NOSTRIN: variants seen among roughly 807,000 people sequenced by gnomAD.
NOSTRIN encodes nitric oxide synthase trafficking, also known as BM247 homolog.
In NOSTRIN, 63 loss-of-function variants were observed where a neutral mutation model predicts 59.0. The ratio of observed to expected loss-of-function variants is 1.07; its 90% confidence interval spans 0.87 to 1.32. The LOEUF is 1.32. Ranked by LOEUF, NOSTRIN falls within the 40% of genes most tolerant of loss-of-function variation. The probability of loss-of-function intolerance (pLI) is 0.00; values close to 1 mark genes in which losing one functional copy is unlikely to be tolerated. For missense variants in NOSTRIN, 512 were observed against 473.1 expected, an observed-to-expected ratio of 1.08 and a Z score of -0.76; for synonymous variants, 200 against 165.4, an observed-to-expected ratio of 1.21 and a Z score of -1.61.
chr2:168,811,803 A>G (rs1427187651), intron 2 of NOSTRIN, 151 bp downstream of exon 2: 4 of 473,706 alleles, frequency 8.4e-6, no homozygotes, highest in South Asian at 6.9e-5. Context: ...ATTCTCCCCT[A>G]TTGCACATTT....
rs575404005 is a variant in NOSTRIN at position 168,809,556 on chromosome 2, G to A, written c.28-2011G>A. ...GCTTAGGGAGAAATCTAGTGGAAAT[G>A]TTTAGGTAACATAGGAGTAAACAAA... On this transcript the variant is annotated intron_variant, in intron 1 of 15. Transcript: ENST00000317647. Among the ~76,000 whole-genome samples, 14 of 152,176 alleles carry A rather than the reference G, an allele frequency of 9.2e-5. No homozygotes were observed. In the South Asian group the frequency reaches 1.7e-3, roughly 18 times the overall value.
At chr2:168,827,550 TC>T (rs747689924) in intron 3 of NOSTRIN, among the ~76,000 whole-genome samples, 2 of 152,124 alleles carry the variant, frequency 1.3e-5, no homozygotes, top group African/African-American at 2.4e-5. Flanking sequence ...TATTTTATTT[TC>T]ATTACTTATT....
intron 5 of NOSTRIN, among the ~76,000 whole-genome samples, chr2:168,831,140 G>A (rs1476270210): frequency 1.3e-5 from 2 of 152,136 alleles, no homozygotes; most frequent in Non-Finnish European, 2.9e-5. Context: ...TACAGTTCTG[G>A]AGGCTGGGAA....
chr2:168,822,652 T>C (rs1325862236), intron 2 of NOSTRIN, among the ~76,000 whole-genome samples: 1 of 152,250 alleles, frequency 6.6e-6, no homozygotes, highest in Admixed American at 6.5e-5. Context: ...TTATTCTCTA[T>C]AGTCAAAAGT....
chr2:168,821,143 T>C (rs995654952), intron 2 of NOSTRIN, among the ~76,000 whole-genome samples: 1 of 152,188 alleles, frequency 6.6e-6, no homozygotes, highest in African/African-American at 2.4e-5. Flanking sequence ...AAAAGCATTA[T>C]CCTATTTAAT....
At chr2:168,842,917 T>C (rs1559130092) in intron 7 of NOSTRIN, 75 bp from the exon 8 acceptor site, 3 of 819,760 alleles carry the variant, frequency 3.7e-6, no homozygotes, top group Admixed American at 3.7e-5. Flanking sequence ...GAGCCACATA[T>C]AATTATTACT....
intron 7 of NOSTRIN, among the ~76,000 whole-genome samples, chr2:168,842,659 C>A (rs1688168737): frequency 6.6e-6 from 1 of 152,186 alleles, no homozygotes; most frequent in African/African-American, 2.4e-5. Context: ...CAATTGCAAT[C>A]TTGACCTGTA....
At chr2:168,827,910 A>T (rs1687140615) in intron 3 of NOSTRIN, among the ~76,000 whole-genome samples, 1 of 152,030 alleles carries the variant, frequency 6.6e-6, no homozygotes. Flanking sequence ...TATTTTATAC[A>T]GATATGAAAT....
intron 10 of NOSTRIN, among the ~76,000 whole-genome samples, chr2:168,853,405 T>C (rs999501280): frequency 6.6e-6 from 1 of 152,174 alleles, no homozygotes; most frequent in African/African-American, 2.4e-5. Context: ...ATAAATGCCA[T>C]GTTCAAAAGA....
At chr2:168,791,239 G>A (rs1023773911) in intron 2 of NOSTRIN, among the ~76,000 whole-genome samples, 14 of 152,210 alleles carry the variant, frequency 9.2e-5, no homozygotes, top group Non-Finnish European at 1.5e-4. Flanking sequence ...GAGAACATGC[G>A]GTGTTTGGTT....
chr2:168,803,011 T>C (rs1278163957), intron 1 of NOSTRIN, among the ~76,000 whole-genome samples: 1 of 152,210 alleles, frequency 6.6e-6, no homozygotes, highest in Admixed American at 6.5e-5. Flanking sequence ...GTGGTGTGGA[T>C]ACAAAAACAC....
At chr2:168,822,379 A>T (rs1686795411) in intron 2 of NOSTRIN, among the ~76,000 whole-genome samples, 1 of 152,236 alleles carries the variant, frequency 6.6e-6, no homozygotes, top group South Asian at 2.1e-4. Flanking sequence ...TTAGCAATAG[A>T]TCAATAGCCC....
chr2:168,825,234 G>C (rs1686994318), intron 3 of NOSTRIN, among the ~76,000 whole-genome samples: 1 of 152,120 alleles, frequency 6.6e-6, no homozygotes, highest in South Asian at 2.1e-4. Flanking sequence ...CCCTTGAGAG[G>C]TCTTGTTATC....
At chr2:168,843,620 A>G (rs11898531) in intron 8 of NOSTRIN, among the ~76,000 whole-genome samples, 5,123 of 152,304 alleles carry the variant, frequency 0.034, 272 homozygotes, top group African/African-American at 0.12. Context: ...ATAATGGGCA[A>G]AATATGTCAG....
chr2:168,793,649 T>C (rs1028763046), upstream of NOSTRIN, among the ~76,000 whole-genome samples: 2 of 152,024 alleles, frequency 1.3e-5, no homozygotes, highest in African/African-American at 4.8e-5. Flanking sequence ...ATCACAAATA[T>C]GCGTAAGTTC....
intron 8 of NOSTRIN, among the ~76,000 whole-genome samples, chr2:168,844,344 G>A (rs1688274203): frequency 6.6e-6 from 1 of 151,716 alleles, no homozygotes; most frequent in South Asian, 2.1e-4. Context: ...ATTCTGGAGA[G>A]TAAGAACATG....
chr2:168,863,710 T>C, intron 15 of NOSTRIN: 2 of 922,862 alleles, frequency 2.2e-6, no homozygotes, highest in Non-Finnish European at 2.6e-6. Flanking sequence ...TCAGGGATAA[T>C]GCAGAGACAT....
chr2:168,827,348 T>C (rs1687113292), intron 3 of NOSTRIN, among the ~76,000 whole-genome samples: 1 of 152,060 alleles, frequency 6.6e-6, no homozygotes, highest in Non-Finnish European at 1.5e-5. Flanking sequence ...ATGGGACCAT[T>C]AACTATCTGA....
rs186538810 is a variant in NOSTRIN, at chr2:168,843,401, G to A, written c.630+284G>A. ...TCAAAAAGTGCTGTCAAAGTGAAGC[G>A]TAAATTAAGGCTTAAGTGTTAGGTG... is the stretch of plus-strand genomic sequence containing the variant. On this transcript the variant is annotated intron_variant, in intron 8 of 15. Coordinates refer to ENST00000317647, the MANE Select transcript of NOSTRIN (RefSeq NM_001039724.4). 1.0e-3 allele frequency among the ~76,000 whole-genome samples: 155 copies of A among 152,302 alleles called. 2 individuals carry two copies. The highest frequency in any genetic ancestry group is 3.2e-3 in the African/African-American group (132 of 41,574).
Sources: gnomAD v4.1 joint callset for allele counts (sites outside exome capture counted in the v4.1 genomes callset) on GRCh38, gnomAD v4.1.1 for gene constraint, MANE v1.5 for transcripts, NCBI Gene and HGNC (gene_info 2026-07-23, HGNC 2026-07-21) for gene names.